Variants in HYCC2 observed in about 807,000 individuals in gnomAD.
HYCC2 encodes the protein hyccin 2.
chr2:201,025,735 G>T, the HYCC2 span, among the ~76,000 whole-genome samples: 1 of 152,086 alleles, frequency 6.6e-6, no homozygotes, highest in Non-Finnish European at 1.5e-5. Flanking sequence ...AAGAGTTGAG[G>T]GTGGACAGGA....
At chr2:201,042,584 T>A in the HYCC2 span, among the ~76,000 whole-genome samples, 1 of 144,954 alleles carries the variant, frequency 6.9e-6, no homozygotes, top group East Asian at 2.1e-4. Flanking sequence ...GTCTGAGAAG[T>A]GAGGAGCCCA....
At chr2:201,058,759 C>G in the HYCC2 span, among the ~76,000 whole-genome samples, 16,152 of 152,230 alleles carry the variant, frequency 0.11, 1,149 homozygotes, top group Non-Finnish European at 0.16. Context: ...TGTTTCTTAT[C>G]ACTATGTCAT....
the HYCC2 span, among the ~76,000 whole-genome samples, chr2:200,990,808 T>G: frequency 6.6e-6 from 1 of 152,168 alleles, no homozygotes; most frequent in Non-Finnish European, 1.5e-5. Flanking sequence ...CCTGACCTCG[T>G]GATACACCCG....
At chr2:200,986,427 C>T in the HYCC2 span, among the ~76,000 whole-genome samples, 5 of 152,278 alleles carry the variant, frequency 3.3e-5, no homozygotes, top group South Asian at 8.3e-4. Flanking sequence ...TATAAAGGTT[C>T]CACAGTAGCA....
chr2:201,056,435 G>A, the HYCC2 span, among the ~76,000 whole-genome samples: 9 of 152,266 alleles, frequency 5.9e-5, no homozygotes, highest in South Asian at 2.1e-4. Flanking sequence ...AGCACTTTGC[G>A]AGGCTGAGGC....
the HYCC2 span, among the ~76,000 whole-genome samples, chr2:201,007,394 A>G: frequency 6.6e-6 from 1 of 152,352 alleles, no homozygotes; most frequent in South Asian, 2.1e-4. Context: ...TTTTATATTT[A>G]TCATAAAATT....
chr2:201,063,167 G>A, the HYCC2 span: 27 of 1,610,250 alleles, frequency 1.7e-5, no homozygotes, highest in Admixed American at 5.0e-5. Flanking sequence ...TGAAACAACC[G>A]ATGAGAGCCT....
the HYCC2 span, among the ~76,000 whole-genome samples, chr2:201,047,192 C>T: frequency 5.9e-5 from 9 of 151,856 alleles, no homozygotes; most frequent in South Asian, 2.1e-4. Flanking sequence ...TCAGTGCAGC[C>T]GGCAGCACAT....
the HYCC2 span, chr2:200,997,233 C>T: frequency 3.2e-5 from 13 of 411,018 alleles, no homozygotes; most frequent in African/African-American, 1.2e-4. Flanking sequence ...CCAGCCTAGG[C>T]GACAGAGAGA....
chr2:201,042,675 C>A, the HYCC2 span, among the ~76,000 whole-genome samples: 1 of 151,674 alleles, frequency 6.6e-6, no homozygotes, highest in Non-Finnish European at 1.5e-5. Flanking sequence ...CGTCTCCGCC[C>A]GGCAGCCGCC....
At chr2:201,016,656 G>T in the HYCC2 span, among the ~76,000 whole-genome samples, 2 of 151,012 alleles carry the variant, frequency 1.3e-5, no homozygotes, top group African/African-American at 4.9e-5. Flanking sequence ...CTGGAGTGCA[G>T]TGGTACAATC....
chr2:201,007,781 G>A, the HYCC2 span, among the ~76,000 whole-genome samples: 1 of 152,154 alleles, frequency 6.6e-6, no homozygotes. Flanking sequence ...CATGGAGGCT[G>A]AGATCAACCA....
chr2:201,021,152 T>C, the HYCC2 span, among the ~76,000 whole-genome samples: 1 of 152,220 alleles, frequency 6.6e-6, no homozygotes, highest in East Asian at 1.9e-4. Context: ...TGTTTGTTTC[T>C]TTCAGAATAT....
the HYCC2 span, among the ~76,000 whole-genome samples, chr2:201,047,264 A>G: frequency 2.0e-5 from 3 of 152,040 alleles, no homozygotes; most frequent in African/African-American, 7.2e-5. Flanking sequence ...ACAGCAGAAT[A>G]CAGGATGAGT....
chr2:201,035,983 C>T, the HYCC2 span, among the ~76,000 whole-genome samples: 1 of 151,994 alleles, frequency 6.6e-6, no homozygotes, highest in African/African-American at 2.4e-5. Flanking sequence ...AGAGGAGTAC[C>T]CGGCCGTGTG....
chr2:201,015,608 T>C, the HYCC2 span, among the ~76,000 whole-genome samples: 4 of 152,104 alleles, frequency 2.6e-5, no homozygotes, highest in Admixed American at 2.0e-4. Context: ...CACACCACCA[T>C]AAGATTCATT....
At chr2:200,996,231 C>G in the HYCC2 span, 1 of 152,116 alleles carries the variant, frequency 6.6e-6, no homozygotes, top group Non-Finnish European at 1.5e-5. Flanking sequence ...GGTTTCACCA[C>G]GTTGGCCAGG....
At chr2:201,037,843 A>T in the HYCC2 span, among the ~76,000 whole-genome samples, 1 of 152,162 alleles carries the variant, frequency 6.6e-6, no homozygotes, top group African/African-American at 2.4e-5. Flanking sequence ...CAAGGACTTC[A>T]TGTCTAAAAC....
the HYCC2 span, among the ~76,000 whole-genome samples, chr2:201,043,938 T>C: frequency 6.6e-6 from 1 of 152,192 alleles, no homozygotes. Context: ...CCAGCTGGTC[T>C]TGAACTCCTG....
Sources: gnomAD v4.1 joint callset for allele counts (sites outside exome capture counted in the v4.1 genomes callset) on GRCh38, gnomAD v4.1.1 for gene constraint, MANE v1.5 for transcripts, NCBI Gene and HGNC (gene_info 2026-07-23, HGNC 2026-07-21) for gene names.